PAK5: variants seen among roughly 807,000 people sequenced by gnomAD.
The protein encoded by PAK5 is serine/threonine-protein kinase PAK 5.
Under a neutral mutation model 65.9 loss-of-function variants are expected in PAK5, and 16 were observed. That is an observed-to-expected ratio of 0.24 (90% CI 0.16 to 0.37). The LOEUF is 0.37. PAK5 is among the 10% of genes least tolerant of loss of function. PAK5 has a pLI of 1.00. For synonymous variants in PAK5, 371 were observed against 354.9 expected (o/e 1.05, Z -0.51); for missense variants, 785 against 903.9 (o/e 0.87, Z 1.69).
intron 2 of PAK5, among the ~76,000 whole-genome samples, chr20:9,662,756 T>C (rs2047363396): frequency 6.6e-6 from 1 of 152,128 alleles, no homozygotes. Context: ...ACAATGGGCA[T>C]TACTCTAATA....
At chr20:9,588,443 C>G (rs541222833) in intron 3 of PAK5, among the ~76,000 whole-genome samples, 3 of 152,126 alleles carry the variant, frequency 2.0e-5, no homozygotes, top group Non-Finnish European at 2.9e-5. Flanking sequence ...TGTTAATAAG[C>G]AGGGGGTTGC....
intron 1 of PAK5, among the ~76,000 whole-genome samples, chr20:9,725,419 G>A (rs577122855): frequency 1.3e-5 from 2 of 152,014 alleles, no homozygotes; most frequent in South Asian, 2.1e-4. Flanking sequence ...ATTTATTTAC[G>A]ATGTAATGGA....
chr20:9,631,404 T>C (rs560212051), intron 3 of PAK5, among the ~76,000 whole-genome samples: 2 of 152,336 alleles, frequency 1.3e-5, no homozygotes, highest in Non-Finnish European at 2.9e-5. Flanking sequence ...CATTATTATA[T>C]ATATAGTCCA....
At chr20:9,569,541 C>T (rs578016901) in intron 4 of PAK5, among the ~76,000 whole-genome samples, 1 of 152,056 alleles carries the variant, frequency 6.6e-6, no homozygotes, top group Non-Finnish European at 1.5e-5. Context: ...GTCCTGGAGC[C>T]AAGGGAGGAA....
intron 7 of PAK5, among the ~76,000 whole-genome samples, chr20:9,550,013 C>T (rs2045401912): frequency 6.6e-6 from 1 of 152,168 alleles, no homozygotes; most frequent in African/African-American, 2.4e-5. Context: ...AAATAAACTT[C>T]TAAATTGATT....
intron 3 of PAK5, among the ~76,000 whole-genome samples, chr20:9,603,443 A>T (rs1036211445): frequency 6.6e-6 from 1 of 152,036 alleles, no homozygotes; most frequent in Non-Finnish European, 1.5e-5. Flanking sequence ...TGCCCTATTT[A>T]TATCAGAGAA....
chr20:9,694,039 A>G (rs946005469), intron 2 of PAK5, among the ~76,000 whole-genome samples: 4 of 151,952 alleles, frequency 2.6e-5, no homozygotes, highest in African/African-American at 9.7e-5. Flanking sequence ...TAAGATCTCT[A>G]TTAGCTAGAT....
intron 2 of PAK5, among the ~76,000 whole-genome samples, chr20:9,686,137 C>T (rs1162226028): frequency 1.3e-5 from 2 of 152,176 alleles, no homozygotes; most frequent in Non-Finnish European, 2.9e-5. Flanking sequence ...GATGTGCTCT[C>T]AGCAGGAGCC....
At chr20:9,784,474 G>C (rs1242399511) in intron 1 of PAK5, 2 of 152,154 alleles carry the variant, frequency 1.3e-5, no homozygotes, top group Non-Finnish European at 2.9e-5. Flanking sequence ...AAGAGCCATG[G>C]GGCTGGATAT....
chr20:9,692,767 T>C (rs967915477), intron 2 of PAK5, among the ~76,000 whole-genome samples: 1 of 152,142 alleles, frequency 6.6e-6, no homozygotes, highest in Non-Finnish European at 1.5e-5. Flanking sequence ...AAGGATGTTA[T>C]CCTAGAATGA....
At chr20:9,743,388 AG>A (rs376613035) in intron 1 of PAK5, among the ~76,000 whole-genome samples, 979 of 62,012 alleles carry the variant, frequency 0.016, 13 homozygotes, top group African/African-American at 0.048. Context: ...CAAGCAAACA[AG>A]CCAAAAAAAA....
At chr20:9,807,094 G>A (rs779816858) in intron 1 of PAK5, among the ~76,000 whole-genome samples, 19 of 151,988 alleles carry the variant, frequency 1.3e-4, no homozygotes, top group African/African-American at 2.7e-4. Flanking sequence ...ATGGACTCCC[G>A]TGTGATCATG....
chr20:9,821,853 G>T (rs1176160373), intron 1 of PAK5, among the ~76,000 whole-genome samples: 2 of 152,120 alleles, frequency 1.3e-5, no homozygotes, highest in African/African-American at 2.4e-5. Context: ...AAATCATTTT[G>T]TATTATATAT....
chr20:9,823,815 C>CA (rs1290688018), intron 1 of PAK5, among the ~76,000 whole-genome samples: 2 of 135,308 alleles, frequency 1.5e-5, no homozygotes, highest in South Asian at 4.6e-4. Flanking sequence ...AGGTCTGTTT[C>CA]TGGGGGGGAA....
intron 6 of PAK5, among the ~76,000 whole-genome samples, chr20:9,558,472 A>G (rs187546876): frequency 6.7e-4 from 102 of 152,256 alleles, no homozygotes; most frequent in African/African-American, 2.2e-3. Flanking sequence ...GGTCCCACAG[A>G]GTCAGCACAC....
chr20:9,614,274 T>G (rs1056529486), intron 3 of PAK5, among the ~76,000 whole-genome samples: 2 of 152,016 alleles, frequency 1.3e-5, no homozygotes, highest in Non-Finnish European at 2.9e-5. Flanking sequence ...TGAGGATATC[T>G]CAATAGAAAC....
At chr20:9,603,132 A>T (rs1016065903) in intron 3 of PAK5, among the ~76,000 whole-genome samples, 1 of 152,214 alleles carries the variant, frequency 6.6e-6, no homozygotes, top group African/African-American at 2.4e-5. Flanking sequence ...GAGGGGAAAG[A>T]TTATAGACGC....
chr20:9,816,342 A>G lies in PAK5; in HGVS notation c.-162+22420T>C, dbSNP rs113077576. ...AGCGAAATAAAGGTTAACTGCTGTG[A>G]TGGTTAACATCATGTGTCGACTTGA... On this transcript the variant is annotated intron_variant, in intron 1 of 9. Transcript: ENST00000353224. 8.5e-3 allele frequency among the ~76,000 whole-genome samples: 1,302 copies of G among 152,324 alleles called. 24 individuals are homozygous for G. The highest frequency in any genetic ancestry group is 0.028 in the African/African-American group (1,171 of 41,570).
At chr20:9,805,239 A>G (rs1395220925) in intron 1 of PAK5, among the ~76,000 whole-genome samples, 1 of 152,188 alleles carries the variant, frequency 6.6e-6, no homozygotes, top group Admixed American at 6.5e-5. Context: ...GTTGACAAGG[A>G]TGTGGAGAAA....
Sources: gnomAD v4.1 joint callset for allele counts (sites outside exome capture counted in the v4.1 genomes callset) on GRCh38, gnomAD v4.1.1 for gene constraint, MANE v1.5 for transcripts, NCBI Gene and HGNC (gene_info 2026-07-23, HGNC 2026-07-21) for gene names.